The following MTURN variants were observed in gnomAD, a reference collection of about 807,000 sequenced individuals.
The protein encoded by MTURN is maturin, neural progenitor differentiation regulator homolog, also known as maturin.
MTURN carries 7 observed loss-of-function variants against 14.9 expected under a neutral mutation model. The ratio of observed to expected loss-of-function variants is 0.47; its 90% CI spans 0.27 to 0.88. The LOEUF (loss-of-function observed/expected upper bound fraction) is 0.88. Ranked by LOEUF, MTURN falls within the 40% of genes least tolerant of loss-of-function variation. The pLI, the probability that MTURN is intolerant of heterozygous loss-of-function variation, is 0.14. For synonymous variants in MTURN, 69 were observed against 72.5 expected (o/e 0.95, Z 0.25); for missense variants, 151 against 174.1 (o/e 0.87, Z 0.75).
At chr7:30,143,674 G>C (rs1797087957) in intron 1 of MTURN, among the ~76,000 whole-genome samples, 8 of 152,144 alleles carry the variant, frequency 5.3e-5, no homozygotes, top group Admixed American at 5.2e-4. Flanking sequence ...AGGAAGTTCA[G>C]ACAGAAGGCC....
At chr7:30,136,244 T>G (rs1243703615) in intron 1 of MTURN, among the ~76,000 whole-genome samples, 1 of 152,020 alleles carries the variant, frequency 6.6e-6, no homozygotes, top group Non-Finnish European at 1.5e-5. Context: ...CTTTGAATCC[T>G]GCACCCACCT....
intron 2 of MTURN, among the ~76,000 whole-genome samples, chr7:30,146,669 T>C (rs146605651): frequency 5.2e-4 from 79 of 152,242 alleles, no homozygotes; most frequent in African/African-American, 1.9e-3. Flanking sequence ...GTGGGGCGTA[T>C]ATTTGGGGAT....
At chr7:30,145,713 C>A in intron 1 of MTURN, 1 of 1,026,492 alleles carries the variant, frequency 9.7e-7, no homozygotes, top group Non-Finnish European at 1.4e-6. Context: ...TACTCACAGG[C>A]CGATCTGGGT....
rs1797379617 is a variant in MTURN at position 30,161,876 on chromosome 7, T to A, written c.*4328T>A. On this transcript the variant is annotated 3_prime_UTR_variant, in exon 3 of 3. Transcript: ENST00000324453. ...ACAAGAAGCTGAAGTCTTTTAGATT[T>A]TATAGAGAGTAATTCTGAAACCTGC... 1 of 152,126 alleles carries A rather than the reference T, an allele frequency of 6.6e-6. No individual in the cohort carries two copies. The highest frequency in any genetic ancestry group is 2.4e-5 in the African/African-American group (1 of 41,400). 9.4% of individuals were successfully genotyped at this position (152,126 alleles called of 1,614,324 possible).
chr7:30,158,386 T>C lies in MTURN; in HGVS notation c.*838T>C, dbSNP rs1797319507. 6.6e-6 allele frequency: 1 copy of C among 152,644 alleles called. No homozygotes were observed. The allele number at this position is 152,644 out of a possible 1,614,324, so 9.5% of individuals were successfully genotyped here. On this transcript the variant is annotated 3_prime_UTR_variant, in exon 3 of 3. Coordinates refer to ENST00000324453, the MANE Select transcript of MTURN (RefSeq NM_152793.3). ...GGCCGCTTGTTAAATCATGAAAACATCCAGAATTCAAGTGCCGCTTAAACT... is the reference window on the plus strand; with the variant it reads ...GGCCGCTTGTTAAATCATGAAAACACCCAGAATTCAAGTGCCGCTTAAACT...
chr7:30,144,747 G>A (rs779274939), intron 1 of MTURN, among the ~76,000 whole-genome samples: 7 of 152,088 alleles, frequency 4.6e-5, no homozygotes, highest in Non-Finnish European at 1.0e-4. Context: ...TGTAGGTCTA[G>A]TTCTCAGAAA....
At chr7:30,151,368 A>G (rs900614414) in intron 2 of MTURN, among the ~76,000 whole-genome samples, 1 of 152,174 alleles carries the variant, frequency 6.6e-6, no homozygotes, top group Admixed American at 6.5e-5. Context: ...GTGACCCTCC[A>G]TTGACAGTTG....
intron 1 of MTURN, chr7:30,145,836 C>G: frequency 6.5e-7 from 1 of 1,539,288 alleles, no homozygotes; most frequent in Non-Finnish European, 8.7e-7. Flanking sequence ...TTTCTCCTTC[C>G]CCATGTCTGA....
At chr7:30,137,921 G>T (rs1423105576) in intron 1 of MTURN, among the ~76,000 whole-genome samples, 1 of 151,834 alleles carries the variant, frequency 6.6e-6, no homozygotes. Flanking sequence ...TTTACTTTGT[G>T]CCAGGCCAGT....
chr7:30,153,148 T>C (rs2128033411), intron 2 of MTURN, among the ~76,000 whole-genome samples: 1 of 152,296 alleles, frequency 6.6e-6, no homozygotes, highest in East Asian at 1.9e-4. Context: ...AAGCCAGGGC[T>C]CCAGAATTCT....
chr7:30,146,141 CTT>C (rs1444969938), intron 1 of MTURN, 34 bp from the exon 2 acceptor site: 2 of 1,612,938 alleles, frequency 1.2e-6, no homozygotes, highest in African/African-American at 2.7e-5. Flanking sequence ...GACTGTGTGT[CTT>C]TGTTTTCTCC....
At chr7:30,146,126 G>T (rs1344297802) in intron 1 of MTURN, 51 bp from the exon 2 acceptor site, 1 of 1,611,862 alleles carries the variant, frequency 6.2e-7, no homozygotes, top group Non-Finnish European at 8.5e-7. Flanking sequence ...CACACTGAGT[G>T]TAGTGACTGT....
Position 30,157,746 on chromosome 7 carries a change from C to G in MTURN, c.*198C>G, listed in dbSNP as rs1294459747. 5 of 325,164 alleles carry G rather than the reference C, an allele frequency of 1.5e-5. No individual in the cohort carries two copies. The highest frequency in any genetic ancestry group is 2.8e-5 in the Non-Finnish European group (5 of 178,202). The allele number at this position is 325,164 out of a possible 1,614,324, so 20.1% of individuals were successfully genotyped here. Reference sequence around the variant, plus strand: ...TTGCTCAGAAGTGACCTGAATTTCACTCCCGCTTCAGTGGGGTTTCTATGG... The same window carrying G: ...TTGCTCAGAAGTGACCTGAATTTCAGTCCCGCTTCAGTGGGGTTTCTATGG... On this transcript the variant is annotated 3_prime_UTR_variant, in exon 3 of 3. Coordinates refer to ENST00000324453, the MANE Select transcript of MTURN (RefSeq NM_152793.3).
At chr7:30,155,442 G>A (rs7780166) in intron 2 of MTURN, among the ~76,000 whole-genome samples, 79,489 of 152,082 alleles carry the variant, frequency 0.52, 20,934 homozygotes, top group East Asian at 0.69. Context: ...CGTGCCTTAC[G>A]ACTAGTCATC....
At position 30,159,809 on chromosome 7, in the gene MTURN, C is replaced by T. The variant is rs1441674584; in HGVS notation, c.*2261C>T. ...CCCTTCTCGTGCTCACACACTTGCCCACACACTCACTTCTTCCTGCGCTGT... is the reference window on the plus strand; with the variant it reads ...CCCTTCTCGTGCTCACACACTTGCCTACACACTCACTTCTTCCTGCGCTGT... On this transcript the variant is annotated 3_prime_UTR_variant, in exon 3 of 3. Transcript: ENST00000324453. 5 of 152,678 alleles carry T rather than the reference C, an allele frequency of 3.3e-5. No individual in the cohort carries two copies. Among genetic ancestry groups the T allele is most frequent in the Non-Finnish European group, 4.4e-5 (3 of 68,056 alleles). 9.5% of individuals were successfully genotyped at this position (152,678 alleles called of 1,614,324 possible). A position where few individuals can be genotyped will look rare whatever the true frequency, so the allele number is the denominator to read the frequency against.
At chr7:30,152,990 G>C (rs1258343493) in intron 2 of MTURN, among the ~76,000 whole-genome samples, 1 of 152,150 alleles carries the variant, frequency 6.6e-6, no homozygotes, top group African/African-American at 2.4e-5. Context: ...CTTGTCCAGA[G>C]TGAGCATAAA....
intron 1 of MTURN, chr7:30,141,548 CAG>C (rs1797053292): frequency 6.6e-6 from 1 of 151,804 alleles, no homozygotes; most frequent in African/African-American, 2.4e-5. Flanking sequence ...ATTTTGGAAA[CAG>C]GGTCTCACTC....
In MTURN at chr7:30,159,791, C is replaced by T. The variant is rs1469725122; in HGVS notation, c.*2243C>T. On this transcript the variant is annotated 3_prime_UTR_variant, in exon 3 of 3. Transcript: ENST00000324453. ...TTCTGAATGTGTGCACATCCCTTCT[C>T]GTGCTCACACACTTGCCCACACACT... 6.5e-6 allele frequency: 1 copy of T among 152,712 alleles called. No homozygotes were observed. The highest frequency in any genetic ancestry group is 1.5e-5 in the Non-Finnish European group (1 of 68,062). 9.5% of individuals were successfully genotyped at this position (152,712 alleles called of 1,614,324 possible). A position where few individuals can be genotyped will look rare whatever the true frequency, so the allele number is the denominator to read the frequency against.
intron 1 of MTURN, among the ~76,000 whole-genome samples, chr7:30,143,930 T>C (rs1360436170): frequency 6.6e-6 from 1 of 152,262 alleles, no homozygotes; most frequent in African/African-American, 2.4e-5. Context: ...ACTTACTTTT[T>C]AACAAAGTAG....
Sources: allele counts gnomAD v4.1 joint callset (sites outside exome capture counted in the v4.1 genomes callset), GRCh38; gene constraint gnomAD v4.1.1; transcripts MANE v1.5; gene names NCBI Gene and HGNC (gene_info 2026-07-23, HGNC 2026-07-21).